The following SLC25A13 variants were observed in gnomAD, a reference collection of about 807,000 sequenced individuals.
SLC25A13 encodes electrogenic aspartate/glutamate antiporter SLC25A13, mitochondrial.
In SLC25A13, 70 loss-of-function variants were observed where a neutral mutation model predicts 85.5. The observed-to-expected ratio is 0.82, with a 90% confidence interval of 0.68 to 1.00. The LOEUF is 1.00. Ranked by LOEUF, SLC25A13 falls within the 50% of genes least tolerant of loss-of-function variation. The pLI is 0.00. For synonymous variants in SLC25A13, 259 were observed against 288.7 expected (o/e 0.90, Z 1.04); for missense variants, 765 against 819.8 (o/e 0.93, Z 0.82).
intron 13 of SLC25A13, among the ~76,000 whole-genome samples, chr7:96,150,909 A>G (rs1323851374): frequency 6.6e-6 from 1 of 152,062 alleles, no homozygotes; most frequent in African/African-American, 2.4e-5. Context: ...AGGATTTTCA[A>G]TGGAGTTCAG....
chr7:96,164,612 C>T (rs769766089), intron 13 of SLC25A13, among the ~76,000 whole-genome samples: 17 of 151,680 alleles, frequency 1.1e-4, no homozygotes, highest in Non-Finnish European at 1.8e-4. Flanking sequence ...GACCCCAAAC[C>T]GACTAAAAGC....
chr7:96,179,150 CT>C (rs1794329916), intron 11 of SLC25A13, among the ~76,000 whole-genome samples: 1 of 152,172 alleles, frequency 6.6e-6, no homozygotes, highest in Non-Finnish European at 1.5e-5. Context: ...TATTCTGGGG[CT>C]TTCTAGAAGT....
At chr7:96,294,954 C>A (rs1799292565) in intron 2 of SLC25A13, among the ~76,000 whole-genome samples, 1 of 152,164 alleles carries the variant, frequency 6.6e-6, no homozygotes, top group African/African-American at 2.4e-5. Flanking sequence ...TAAATCATTA[C>A]TTAATTTCAA....
At chr7:96,249,602 A>G (rs1797333885) in intron 3 of SLC25A13, among the ~76,000 whole-genome samples, 1 of 152,178 alleles carries the variant, frequency 6.6e-6, no homozygotes, top group Non-Finnish European at 1.5e-5. Flanking sequence ...ATGCCATCCT[A>G]TCTCTGCACT....
intron 3 of SLC25A13, among the ~76,000 whole-genome samples, chr7:96,236,080 C>T (rs1278297336): frequency 6.6e-6 from 1 of 152,156 alleles, no homozygotes; most frequent in Non-Finnish European, 1.5e-5. Context: ...AGAGAGAACA[C>T]ATTTTTATAA....
chr7:96,146,530 A>T, intron 14 of SLC25A13, 26 bp downstream of exon 14: 11 of 1,607,854 alleles, frequency 6.8e-6, no homozygotes, highest in Non-Finnish European at 8.5e-6. Context: ...TAATCAAATA[A>T]ATGACTAAAA....
intron 5 of SLC25A13, among the ~76,000 whole-genome samples, chr7:96,207,751 TCTC>T (rs1795512947): frequency 6.6e-6 from 1 of 152,166 alleles, no homozygotes; most frequent in South Asian, 2.1e-4. Context: ...TGAATACTCT[TCTC>T]CTTGCATCAT....
chr7:96,295,683 A>G (rs916663756), intron 2 of SLC25A13, among the ~76,000 whole-genome samples: 1 of 152,148 alleles, frequency 6.6e-6, no homozygotes, highest in Non-Finnish European at 1.5e-5. Flanking sequence ...TTTTAATAGT[A>G]ACACATTGTG....
chr7:96,295,440 A>G (rs894262336), intron 2 of SLC25A13, among the ~76,000 whole-genome samples: 3 of 152,180 alleles, frequency 2.0e-5, no homozygotes, highest in Non-Finnish European at 2.9e-5. Context: ...CCCAATTTCA[A>G]AAGTTATCAT....
In SLC25A13 at chr7:96,155,291, T is replaced by G. The variant is rs965561974; in HGVS notation, c.1312-8595A>C. ...TCTCTTACCAGTTGTGTAAGGATTT[T>G]TTTTCAAAGGCTCCATTTCCAAACT... On this transcript the variant is annotated intron_variant, in intron 13 of 17. Transcript: ENST00000265631. Among the ~76,000 whole-genome samples the G allele has an allele frequency of 1.1e-4, 17 of 152,226 alleles. 1 individual carries two copies. Among genetic ancestry groups the G allele is most frequent in the Non-Finnish European group, 8.8e-5 (6 of 68,028 alleles).
At chr7:96,303,727 C>A (rs1320508058) in intron 1 of SLC25A13, among the ~76,000 whole-genome samples, 1 of 152,060 alleles carries the variant, frequency 6.6e-6, no homozygotes, top group African/African-American at 2.4e-5. Flanking sequence ...CCTGTGGCAA[C>A]CTCCTGCCCT....
At chr7:96,321,903 C>G in intron 1 of SLC25A13, 39 bp downstream of exon 1, 1 of 1,523,972 alleles carries the variant, frequency 6.6e-7, no homozygotes, top group Non-Finnish European at 8.8e-7. Flanking sequence ...CAGGCTGATC[C>G]GGCAGGCGCG....
chr7:96,167,336 T>A (rs890003646), intron 13 of SLC25A13, among the ~76,000 whole-genome samples: 9 of 152,242 alleles, frequency 5.9e-5, no homozygotes, highest in Non-Finnish European at 1.3e-4. Context: ...TAAACTTTAT[T>A]CCTTTTTAGT....
At chr7:96,248,280 C>G (rs1489971599) in intron 3 of SLC25A13, among the ~76,000 whole-genome samples, 1 of 152,096 alleles carries the variant, frequency 6.6e-6, no homozygotes, top group Non-Finnish European at 1.5e-5. Context: ...CACTACTACC[C>G]GAATTTATTT....
chr7:96,269,484 ACT>A (rs1207992619), intron 3 of SLC25A13, among the ~76,000 whole-genome samples: 2 of 152,214 alleles, frequency 1.3e-5, no homozygotes, highest in Non-Finnish European at 2.9e-5. Flanking sequence ...CAAAACTACC[ACT>A]AGAAAAAGGT....
At chr7:96,321,289 A>T (rs186267073) in intron 1 of SLC25A13, among the ~76,000 whole-genome samples, 2 of 152,320 alleles carry the variant, frequency 1.3e-5, no homozygotes, top group Admixed American at 6.5e-5. Context: ...TCCCAAAAAG[A>T]AGCCTCTCAA....
At chr7:96,212,919 T>G (rs1240514733) in intron 4 of SLC25A13, among the ~76,000 whole-genome samples, 1 of 152,228 alleles carries the variant, frequency 6.6e-6, no homozygotes, top group African/African-American at 2.4e-5. Context: ...AGCAGGATTA[T>G]GTACTCAAAT....
rs569481697 is a variant in SLC25A13, at chr7:96,283,203, C to T, written c.70-5865G>A. On this transcript the variant is annotated intron_variant, in intron 2 of 17. Coordinates refer to ENST00000265631, the MANE Select transcript of SLC25A13 (RefSeq NM_014251.3). ...ACAGTGCTGTCATGATAGTAAAGCA[C>T]AGGAAACAACTAAATATTCAATAAT... Among the ~76,000 whole-genome samples the T allele has an allele frequency of 3.9e-5, 6 of 152,224 alleles. No individual in the cohort carries two copies. The East Asian group carries it at 7.7e-4, about 20-fold the overall frequency.
chr7:96,306,911 T>C, intron 1 of SLC25A13: 1 of 1,041,400 alleles, frequency 9.6e-7, no homozygotes, highest in Non-Finnish European at 1.5e-6. Context: ...TGCCCTTCAC[T>C]TGTGTGCCTG....
Sources: allele counts gnomAD v4.1 joint callset (sites outside exome capture counted in the v4.1 genomes callset), GRCh38; gene constraint gnomAD v4.1.1; transcripts MANE v1.5; gene names NCBI Gene and HGNC (gene_info 2026-07-23, HGNC 2026-07-21).